Variants in SEH1L observed in about 807,000 individuals in gnomAD.
The protein encoded by SEH1L is SEH1 like nucleoporin, also known as nucleoporin SEH1.
A neutral mutation model predicts 49.5 loss-of-function variants in SEH1L; 18 were observed. The ratio of observed to expected loss-of-function variants is 0.36; its 90% CI spans 0.25 to 0.54. The LOEUF (loss-of-function observed/expected upper bound fraction) is 0.54. Among genes scored for constraint, SEH1L ranks in the 20% least tolerant of loss-of-function variants. The probability of loss-of-function intolerance (pLI) is 0.87; values close to 1 mark genes in which losing one functional copy is unlikely to be tolerated. For synonymous variants in SEH1L, 169 were observed against 178.1 expected (o/e 0.95, Z 0.41); for missense variants, 404 against 528.8 (o/e 0.76, Z 2.31).
chr18:12,978,834 T>C lies in SEH1L; in HGVS notation c.703T>C (p.Phe235Leu). The C allele has an allele frequency of 6.2e-7, 1 of 1,614,026 alleles. No individual in the cohort carries two copies. Among genetic ancestry groups the C allele is most frequent in the Non-Finnish European group, 8.5e-7 (1 of 1,179,916 alleles). The change falls in exon 6 of 9, where the codon TTC becomes CTC. Residue 235 changes from phenylalanine to leucine, a missense_variant. Transcript: ENST00000399892. ...ATTCGCTCCAAATTTGGGAAGATCT[T>C]TCCATATTCTAGCAATAGCGACCAA... is the stretch of plus-strand genomic sequence containing the variant. ...IAFAPNLGRS[F>L]HILAIATKDV...
intron 8 of SEH1L, chr18:12,985,146 AT>A: frequency 1.4e-6 from 2 of 1,381,040 alleles, no homozygotes; most frequent in Non-Finnish European, 9.9e-7. Context: ...AATAGCTTCT[AT>A]TTTTTGATCT....
At position 12,969,595 on chromosome 18, in the gene SEH1L, C is replaced by T. The variant is rs533573285; in HGVS notation, c.522-1558C>T. Among the ~76,000 whole-genome samples, 31 of 150,796 alleles carry T rather than the reference C, an allele frequency of 2.1e-4. No individual in the cohort carries two copies. In the South Asian group the frequency reaches 2.1e-3, roughly 10 times the overall value. ...CCCAGCCACTTGGGAGGCCGAGGCA[C>T]GAGAATCGCTTGAATCCAGGAGATG... On this transcript the variant is annotated intron_variant, in intron 4 of 8. Coordinates refer to ENST00000399892, the MANE Select transcript of SEH1L (RefSeq NM_001013437.2).
chr18:12,948,322 C>T, intron 1 of SEH1L, 90 bp downstream of exon 1: 2 of 920,652 alleles, frequency 2.2e-6, no homozygotes, highest in Non-Finnish European at 1.7e-6. Flanking sequence ...TGTCTTGGTT[C>T]AGTGACGCCG....
In SEH1L at chr18:12,984,193, A is replaced by G; in HGVS notation, c.1070+3A>G. The stretch of plus-strand genomic sequence containing the variant: ...TTAAATGGATCTTCTGCTGGCAGGT[A>G]GGCTGCTTCATGGGAAAACTGGAAA... On this transcript the variant is annotated splice_donor_region_variant and intron_variant, in intron 8 of 8. Coordinates refer to ENST00000399892, the MANE Select transcript of SEH1L (RefSeq NM_001013437.2). 6.2e-7 allele frequency: 1 copy of G among 1,613,058 alleles called. No homozygotes were observed. Among genetic ancestry groups the G allele is most frequent in the South Asian group, 1.1e-5 (1 of 91,014 alleles).
chr18:12,971,053 A>G (rs1251955452), intron 4 of SEH1L, 100 bp from the exon 5 acceptor site: 2 of 780,868 alleles, frequency 2.6e-6, no homozygotes, highest in Non-Finnish European at 4.5e-6. Flanking sequence ...GTGACAGGCT[A>G]ACTGTAAGCT....
At chr18:12,960,849 C>T (rs896114847) in intron 3 of SEH1L, among the ~76,000 whole-genome samples, 13 of 152,224 alleles carry the variant, frequency 8.5e-5, no homozygotes, top group South Asian at 4.1e-4. Context: ...CATTTCTTGC[C>T]TCTTCAAAAG....
Position 12,963,186 on chromosome 18 carries a change from C to T in SEH1L, c.336C>T (p.Ser112=), listed in dbSNP as rs200809518. The change falls in exon 4 of 9, where the codon AGC becomes AGT. Residue 112 remains serine (S), a synonymous_variant. Coordinates refer to ENST00000399892, the MANE Select transcript of SEH1L (RefSeq NM_001013437.2). Reference sequence around the variant, plus strand: ...TTAAAAGGACAACTCTGGTGGATAGCAGAACATCTGTTACTGATGTGAAGT... The same window carrying T: ...TTAAAAGGACAACTCTGGTGGATAGTAGAACATCTGTTACTGATGTGAAGT... ...HWVKRTTLVD[S]RTSVTDVKFA... 6.2e-7 allele frequency: 1 copy of T among 1,613,046 alleles called. No individual in the cohort carries two copies. Among genetic ancestry groups the T allele is most frequent in the African/African-American group, 1.3e-5 (1 of 74,936 alleles).
chr18:12,967,178 C>T (rs1182333429), intron 4 of SEH1L, among the ~76,000 whole-genome samples: 1 of 152,202 alleles, frequency 6.6e-6, no homozygotes, highest in Non-Finnish European at 1.5e-5. Context: ...CCGAATTGCT[C>T]CTTGGGGAAA....
chr18:12,948,244 G>C lies in SEH1L; in HGVS notation c.111+12G>C, dbSNP rs535040991. On this transcript the variant is annotated intron_variant, in intron 1 of 8. Transcript: ENST00000399892. ...ATCAGAGCGTTAAGGTGCGCGCGGC[G>C]CTTGCGGGCGGGGCCGACCCCGGAA... 2.2e-5 allele frequency: 36 copies of C among 1,605,706 alleles called. No homozygotes were observed. The East Asian group carries it at 7.6e-4, about 34-fold the overall frequency.
chr18:12,980,816 G>A (rs1215199177), intron 6 of SEH1L, among the ~76,000 whole-genome samples: 3 of 117,292 alleles, frequency 2.6e-5, no homozygotes, highest in African/African-American at 3.2e-5. Flanking sequence ...CTGGCCGGGC[G>A]GGGGGCTGAC....
chr18:12,962,957 A>C (rs1598953591), intron 3 of SEH1L, among the ~76,000 whole-genome samples: 1 of 152,018 alleles, frequency 6.6e-6, no homozygotes, highest in East Asian at 1.9e-4. Context: ...ATTATAGCTC[A>C]CTAATTTGTT....
chr18:12,977,677 T>C (rs965780512), intron 5 of SEH1L: 2 of 151,662 alleles, frequency 1.3e-5, no homozygotes, highest in Admixed American at 6.6e-5. Context: ...TGAGCCAAGA[T>C]TGCGCCATTG....
chr18:12,974,029 T>G (rs963459172), intron 5 of SEH1L: 32 of 151,974 alleles, frequency 2.1e-4, no homozygotes, highest in African/African-American at 7.5e-4. Context: ...TGCAAGAGAG[T>G]GAGACAGCAA....
intron 5 of SEH1L, 104 bp from the exon 6 acceptor site, chr18:12,978,648 A>ACTACAC: frequency 1.1e-6 from 1 of 888,158 alleles, no homozygotes; most frequent in South Asian, 1.6e-5. Context: ...AGAGGTGAGC[A>ACTACAC]CTACATGATT....
At chr18:12,948,304 C>G (rs1598933661) in intron 1 of SEH1L, 72 bp downstream of exon 1, 2 of 1,106,230 alleles carry the variant, frequency 1.8e-6, no homozygotes, top group Middle Eastern at 2.0e-4. Flanking sequence ...GCGCGGGGAA[C>G]GGGGCTGTGT....
intron 3 of SEH1L, among the ~76,000 whole-genome samples, chr18:12,957,636 T>TC (rs1381840554): frequency 6.6e-6 from 1 of 152,212 alleles, no homozygotes; most frequent in Non-Finnish European, 1.5e-5. Context: ...ATGCTTTTTT[T>TC]CCCCCTTTAT....
chr18:12,956,829 C>A lies in SEH1L; in HGVS notation c.309+1220C>A, dbSNP rs188901731. Reference sequence around the variant, plus strand: ...TTCTGTAAGTCCACCATTTTACTTGCAAATTCTTTCTACAGAAAATACCCA... The same window carrying A: ...TTCTGTAAGTCCACCATTTTACTTGAAAATTCTTTCTACAGAAAATACCCA... On this transcript the variant is annotated intron_variant, in intron 3 of 8. Transcript: ENST00000399892. Among the ~76,000 whole-genome samples the A allele has an allele frequency of 2.6e-3, 393 of 151,924 alleles. 3 individuals carry two copies. Among genetic ancestry groups the A allele is most frequent in the Non-Finnish European group, 1.5e-3 (105 of 67,966 alleles).
At chr18:12,981,811 T>C (rs993746379) in intron 6 of SEH1L, among the ~76,000 whole-genome samples, 1 of 150,970 alleles carries the variant, frequency 6.6e-6, no homozygotes, top group Non-Finnish European at 1.5e-5. Flanking sequence ...AGTTCTTTTC[T>C]TTCCATTCTT....
chr18:12,948,329 G>T, intron 1 of SEH1L, 97 bp downstream of exon 1: 1 of 851,814 alleles, frequency 1.2e-6, no homozygotes, highest in Non-Finnish European at 1.9e-6. Flanking sequence ...GTTCAGTGAC[G>T]CCGCTGGAAG....
Sources: gnomAD v4.1 joint callset for allele counts (sites outside exome capture counted in the v4.1 genomes callset) on GRCh38, gnomAD v4.1.1 for gene constraint, MANE v1.5 for transcripts, NCBI Gene and HGNC (gene_info 2026-07-23, HGNC 2026-07-21) for gene names.